C11orf71: variants seen among roughly 807,000 people sequenced by gnomAD.
C11orf71 encodes the protein chromosome 11 open reading frame 71, also known as uncharacterized protein C11orf71.
For synonymous variants in C11orf71, 72 were observed against 73.4 expected (o/e 0.98, Z 0.09); for missense variants, 179 against 167.6 (o/e 1.07, Z -0.38).
chr11:114,394,264 TTTCTTTTC>T (rs1946108131), downstream of C11orf71, among the ~76,000 whole-genome samples: 1 of 59,740 alleles, frequency 1.7e-5, no homozygotes, highest in Non-Finnish European at 3.0e-5. Flanking sequence ...TTTCTTTTCT[TTTCTTTTC>T]TTTTCTTTTC....
At chr11:114,394,185 T>TTCTTTTCTTTTCTTTTCTTTTC (rs1482605349), downstream of C11orf71, among the ~76,000 whole-genome samples, 1 of 41,612 alleles carries the variant, frequency 2.4e-5, no homozygotes, top group East Asian at 4.4e-4. Flanking sequence ...TTTCGTTTCT[T>TTCTTTTCTTTTCTTTTCTTTTC]TTCTTTTCTT....
Position 114,400,457 on chromosome 11 carries a change from CTG to C in C11orf71, c.-128_-127del. 1 of 1,363,220 alleles carries C rather than the reference CTG, an allele frequency of 7.3e-7. No individual in the cohort carries two copies. The highest frequency in any genetic ancestry group is 9.8e-7 in the Non-Finnish European group (1 of 1,018,890). 84.4% of individuals were successfully genotyped at this position (1,363,220 alleles called of 1,614,324 possible). Reference sequence around the variant, plus strand: ...AGCACACAGGAACCCATAACTGAGCCTGCGGAAGAGCCAGAAGCCGCCTTGCC... The same window carrying C: ...AGCACACAGGAACCCATAACTGAGCCCGGAAGAGCCAGAAGCCGCCTTGCC... On this transcript the variant is annotated 5_prime_UTR_variant, in exon 1 of 1. It introduces an in-frame stop codon into an upstream open reading frame of the 5' UTR. Transcript: ENST00000623205.
downstream of C11orf71, among the ~76,000 whole-genome samples, chr11:114,394,173 G>GGTTTCGTTTCGTTTC (rs773224883): frequency 1.3e-5 from 1 of 75,848 alleles, no homozygotes; most frequent in Non-Finnish European, 2.5e-5. Context: ...GTAGAGACGG[G>GGTTTCGTTTCGTTTC]GTTTCGTTTC....
exon 2 of C11orf71, chr11:114,391,657 A>G (rs1455827615): frequency 4.2e-6 from 6 of 1,440,390 alleles, no homozygotes; most frequent in Admixed American, 2.1e-5. Context: ...TTCAGGGTCC[A>G]GGTAGTAACT....
At position 114,400,377 on chromosome 11, in the gene C11orf71, G is replaced by A. The variant is rs2135345985; in HGVS notation, c.-46C>T. 6.5e-7 allele frequency: 1 copy of A among 1,544,258 alleles called. No homozygotes were observed. Among genetic ancestry groups the A allele is most frequent in the Non-Finnish European group, 8.7e-7 (1 of 1,144,384 alleles). ...ACTTGCGTTACGTCCCTTTGTGAAG[G>A]CAGGCCCTTCGCGGCTCCCCAGATC... On this transcript the variant is annotated 5_prime_UTR_variant, in exon 1 of 1. Transcript: ENST00000623205.
chr11:114,397,614 C>T (rs1946139128), downstream of C11orf71, among the ~76,000 whole-genome samples: 1 of 152,194 alleles, frequency 6.6e-6, no homozygotes, highest in African/African-American at 2.4e-5. Flanking sequence ...TCTTGATGAC[C>T]CCATTCCAGA....
Position 114,400,341 on chromosome 11 carries a change from C to A in C11orf71, c.-10G>T. ...CATTGTTCAGGGCCATATTCAAACA[C>A]TGCCCGCAGTACTTGCGTTACGTCC... On this transcript the variant is annotated 5_prime_UTR_variant, in exon 1 of 1. Coordinates refer to ENST00000623205, the MANE Select transcript of C11orf71 (RefSeq NM_001271562.2). The A allele has an allele frequency of 6.3e-7, 1 of 1,594,290 alleles. No homozygotes were observed. The highest frequency in any genetic ancestry group is 8.5e-7 in the Non-Finnish European group (1 of 1,169,878).
At chr11:114,394,243 T>TTTTCTTTTC (rs1946104911), downstream of C11orf71, among the ~76,000 whole-genome samples, 2 of 52,390 alleles carry the variant, frequency 3.8e-5, no homozygotes, top group African/African-American at 1.5e-4. Flanking sequence ...TTTTCTTTTC[T>TTTTCTTTTC]TTTCTTTTCT....
downstream of C11orf71, among the ~76,000 whole-genome samples, chr11:114,395,504 T>C (rs1946124455): frequency 1.3e-5 from 2 of 152,166 alleles, no homozygotes; most frequent in Admixed American, 1.3e-4. Flanking sequence ...TGTATGAGAG[T>C]TGCACTGCTT....
chr11:114,394,282 CTTT>C (rs201371650), downstream of C11orf71, among the ~76,000 whole-genome samples: 311 of 68,744 alleles, frequency 4.5e-3, 23 homozygotes, highest in Middle Eastern at 0.016. Context: ...CTTTTCTTTT[CTTT>C]TCTCTTATTT....
downstream of C11orf71, among the ~76,000 whole-genome samples, chr11:114,394,446 C>T (rs1429825649): frequency 6.6e-6 from 1 of 151,902 alleles, no homozygotes; most frequent in Non-Finnish European, 1.5e-5. Flanking sequence ...AGGCACCTGC[C>T]ACCACGCCTG....
downstream of C11orf71, among the ~76,000 whole-genome samples, chr11:114,396,228 T>A (rs1231143393): frequency 6.6e-6 from 1 of 152,230 alleles, no homozygotes; most frequent in Non-Finnish European, 1.5e-5. Flanking sequence ...ATGCAAAGAT[T>A]TTAAATTTAT....
downstream of C11orf71, among the ~76,000 whole-genome samples, chr11:114,393,681 T>C (rs1946089634): frequency 6.6e-6 from 1 of 152,222 alleles, no homozygotes; most frequent in African/African-American, 2.4e-5. Context: ...TTCAGTTAAG[T>C]GAAATGGTAT....
chr11:114,394,219 T>TTTCCTTTCCTTTCCTTTCC (rs1565256453), downstream of C11orf71, among the ~76,000 whole-genome samples: 2 of 41,130 alleles, frequency 4.9e-5, no homozygotes, highest in Non-Finnish European at 9.1e-5. Flanking sequence ...TTTTCTTTTC[T>TTTCCTTTCCTTTCCTTTCC]TTTCTTTTCT....
intron 1 of C11orf71, among the ~76,000 whole-genome samples, chr11:114,392,846 T>TGATAAGTGGTATTGCATAGTC (rs1259766091): frequency 6.6e-6 from 1 of 151,474 alleles, no homozygotes; most frequent in African/African-American, 2.4e-5. Flanking sequence ...CACTCTAGCA[T>TGATAAGTGGTATTGCATAGTC]GATAAGTGGT....
downstream of C11orf71, among the ~76,000 whole-genome samples, chr11:114,394,228 C>CTTTTCTTTCTTTCTTTTCTTTTCT: frequency 2.1e-5 from 1 of 48,704 alleles, no homozygotes; most frequent in Non-Finnish European, 3.6e-5. Context: ...CTTTTCTTTT[C>CTTTTCTTTCTTTCTTTTCTTTTCT]TTTCTTTTCT....
rs553174314 is a variant in C11orf71 at position 114,400,390 on chromosome 11, G to A, written c.-59C>T. The A allele has an allele frequency of 5.4e-5, 82 of 1,523,598 alleles. No homozygotes were observed. The highest frequency in any genetic ancestry group is 6.8e-5 in the Non-Finnish European group (77 of 1,133,452). The allele number at this position is 1,523,598 out of a possible 1,614,324, so 94.4% of individuals were successfully genotyped here. On this transcript the variant is annotated 5_prime_UTR_variant, in exon 1 of 1. Transcript: ENST00000623205. ...CCCTTTGTGAAGGCAGGCCCTTCGC[G>A]GCTCCCCAGATCAGTCCAGCCTGTG...
At chr11:114,394,248 T>TTTTCTTTTCTTTTCTTTTCTTTTC (rs1946105567), downstream of C11orf71, among the ~76,000 whole-genome samples, 1 of 62,128 alleles carries the variant, frequency 1.6e-5, no homozygotes, top group Non-Finnish European at 2.7e-5. Flanking sequence ...TTTTCTTTTC[T>TTTTCTTTTCTTTTCTTTTCTTTTC]TTTCTTTTCT....
In C11orf71 at chr11:114,399,822, C is replaced by T; in HGVS notation, c.*138G>A. The T allele has an allele frequency of 2.5e-6, 3 of 1,206,430 alleles. No individual in the cohort carries two copies. The highest frequency in any genetic ancestry group is 3.4e-6 in the Non-Finnish European group (3 of 891,934). The allele number at this position is 1,206,430 out of a possible 1,614,324, so 74.7% of individuals were successfully genotyped here. ...TGTTACACTTCCCTTAGTGCTAGGACATATTCATATAACTCCCACGTATTA... is the reference window on the plus strand; with the variant it reads ...TGTTACACTTCCCTTAGTGCTAGGATATATTCATATAACTCCCACGTATTA... On this transcript the variant is annotated 3_prime_UTR_variant, in exon 1 of 1. Coordinates refer to ENST00000623205, the MANE Select transcript of C11orf71 (RefSeq NM_001271562.2).
Sources: gnomAD v4.1 joint callset for allele counts (sites outside exome capture counted in the v4.1 genomes callset) on GRCh38, gnomAD v4.1.1 for gene constraint, MANE v1.5 for transcripts, NCBI Gene and HGNC (gene_info 2026-07-23, HGNC 2026-07-21) for gene names.